Variants in SNTB1 observed in about 807,000 individuals in gnomAD.
SNTB1 encodes the protein syntrophin beta 1.
A neutral mutation model predicts 48.9 loss-of-function variants in SNTB1; 36 were observed. The ratio of observed to expected loss-of-function variants is 0.74; its 90% CI spans 0.56 to 0.97. The LOEUF is 0.97. Among genes scored for constraint, SNTB1 ranks in the 50% least tolerant of loss-of-function variants. The pLI is 0.00. For synonymous variants in SNTB1, 299 were observed against 294.6 expected (o/e 1.01, Z -0.15); for missense variants, 786 against 703.4 (o/e 1.12, Z -1.33).
chr8:120,608,264 G>A (rs970323642), intron 3 of SNTB1, among the ~76,000 whole-genome samples: 2 of 152,112 alleles, frequency 1.3e-5, no homozygotes, highest in African/African-American at 4.8e-5. Flanking sequence ...CATCATATAG[G>A]ATTATTAGAA....
chr8:120,672,552 C>G (rs73708606), intron 2 of SNTB1, among the ~76,000 whole-genome samples: 6,673 of 152,160 alleles, frequency 0.044, 441 homozygotes, highest in African/African-American at 0.14. Context: ...CACAGAGCTC[C>G]TGAAAGACAC....
intron 1 of SNTB1, among the ~76,000 whole-genome samples, chr8:120,696,020 T>C (rs1164208977): frequency 1.3e-5 from 2 of 152,078 alleles, no homozygotes; most frequent in Non-Finnish European, 1.5e-5. Context: ...GGGGGACATA[T>C]TGAAGCTGTC....
intron 1 of SNTB1, among the ~76,000 whole-genome samples, chr8:120,716,517 A>G: frequency 6.6e-6 from 1 of 152,176 alleles, no homozygotes; most frequent in East Asian, 1.9e-4. Flanking sequence ...GCAAATACAC[A>G]TCCTCCCTCA....
At chr8:120,566,896 G>T (rs1563819154) in intron 4 of SNTB1, among the ~76,000 whole-genome samples, 1 of 152,164 alleles carries the variant, frequency 6.6e-6, no homozygotes, top group Non-Finnish European at 1.5e-5. Flanking sequence ...GGAATAAGAG[G>T]CCACCTGTTG....
intron 2 of SNTB1, among the ~76,000 whole-genome samples, chr8:120,644,408 C>T (rs1039449284): frequency 2.3e-4 from 34 of 146,736 alleles, no homozygotes; most frequent in Non-Finnish European, 4.5e-4. Context: ...TGAGAATATG[C>T]GATGTTTGGT....
chr8:120,787,355 T>C (rs914624612), intron 1 of SNTB1, among the ~76,000 whole-genome samples: 3 of 152,144 alleles, frequency 2.0e-5, no homozygotes, highest in African/African-American at 7.2e-5. Context: ...ATACTAACTC[T>C]ACAGCAGTGG....
chr8:120,760,996 C>G (rs966382297), intron 1 of SNTB1, among the ~76,000 whole-genome samples: 1 of 152,060 alleles, frequency 6.6e-6, no homozygotes, highest in Admixed American at 6.5e-5. Flanking sequence ...CTATAAAGAA[C>G]ACACGCAAAA....
At chr8:120,682,889 T>TG (rs1430032743) in intron 2 of SNTB1, among the ~76,000 whole-genome samples, 2 of 149,686 alleles carry the variant, frequency 1.3e-5, no homozygotes, top group African/African-American at 4.9e-5. Context: ...AGTTTTTTTT[T>TG]TTTTTTTTTT....
chr8:120,752,641 T>C (rs1819240332), intron 1 of SNTB1, among the ~76,000 whole-genome samples: 1 of 152,196 alleles, frequency 6.6e-6, no homozygotes, highest in Admixed American at 6.6e-5. Flanking sequence ...AATGAAATCA[T>C]GTTCTTTGTA....
At chr8:120,640,612 C>A (rs1817175881) in intron 2 of SNTB1, among the ~76,000 whole-genome samples, 2 of 152,120 alleles carry the variant, frequency 1.3e-5, no homozygotes, top group South Asian at 4.2e-4. Context: ...TTGCCAAAGG[C>A]CTTTTCTGCA....
chr8:120,542,843 C>T lies in SNTB1; in HGVS notation c.1334-843G>A, dbSNP rs1815314336. Among the ~76,000 whole-genome samples, 3 of 152,014 alleles carry T rather than the reference C, an allele frequency of 2.0e-5. No homozygotes were observed. In the South Asian group the frequency reaches 6.2e-4, roughly 32 times the overall value. On this transcript the variant is annotated intron_variant, in intron 5 of 6. Coordinates refer to ENST00000517992, the MANE Select transcript of SNTB1 (RefSeq NM_021021.4). ...CAGGAATGAGTAGTTTAAAAATAGT[C>T]TATTTTTTAATAGTATAAAAAATCT...
intron 1 of SNTB1, among the ~76,000 whole-genome samples, chr8:120,724,822 G>C (rs529138324): frequency 6.6e-6 from 1 of 152,302 alleles, no homozygotes; most frequent in African/African-American, 2.4e-5. Context: ...AGCTGACTTA[G>C]AGGGGCCATG....
chr8:120,665,704 A>G (rs1817663575), intron 2 of SNTB1, among the ~76,000 whole-genome samples: 1 of 152,178 alleles, frequency 6.6e-6, no homozygotes, highest in Admixed American at 6.6e-5. Context: ...TGTATGCTTT[A>G]CTTTGAGGTT....
At chr8:120,682,230 T>G (rs182764833) in intron 2 of SNTB1, among the ~76,000 whole-genome samples, 2 of 152,314 alleles carry the variant, frequency 1.3e-5, no homozygotes, top group South Asian at 2.1e-4. Flanking sequence ...ATAAGATTAA[T>G]AAATTCCCAT....
chr8:120,627,483 C>T lies in SNTB1; in HGVS notation c.996+4961G>A, dbSNP rs540321064. 2.0e-5 allele frequency among the ~76,000 whole-genome samples: 3 copies of T among 152,134 alleles called. No homozygotes were observed. In the South Asian group the frequency reaches 6.2e-4, roughly 32 times the overall value. ...ACTCTGTGGAAGATAAAAGAAGGAA[C>T]CTAACCAGAGAGGTTCAGCTGATTG... On this transcript the variant is annotated intron_variant, in intron 3 of 6. Coordinates refer to ENST00000517992, the MANE Select transcript of SNTB1 (RefSeq NM_021021.4).
At chr8:120,552,759 A>C (rs972090285) in intron 4 of SNTB1, among the ~76,000 whole-genome samples, 4 of 152,124 alleles carry the variant, frequency 2.6e-5, no homozygotes, top group African/African-American at 7.2e-5. Context: ...GGGATGATTC[A>C]AGCGCATTAC....
chr8:120,744,121 A>ATTTTTTTTTTTTTTTTTT lies in SNTB1; in HGVS notation c.572-50214_572-50213insAAAAAAAAAAAAAAAAAA, dbSNP rs35604534. Among the ~76,000 whole-genome samples the ATTTTTTTTTTTTTTTTTT allele has an allele frequency of 1.7e-4, 23 of 136,148 alleles. 1 individual carries two copies. In the East Asian group the frequency reaches 2.1e-3, roughly 12 times the overall value. The allele number at this position is 136,148 out of a possible 152,430, so 89.3% of individuals were successfully genotyped here. A position where few individuals can be genotyped will look rare whatever the true frequency, so the allele number is the denominator to read the frequency against. ...CTCAAGCCTGGGTGACCCTGTCTCA[A>ATTTTTTTTTTTTTTTTTT]TTTTTTTTTTTTTTTGCAAGGGAAT... On this transcript the variant is annotated intron_variant, in intron 1 of 6. Transcript: ENST00000517992.
Position 120,577,545 on chromosome 8 carries a change from T to C in SNTB1, c.997-2320A>G, listed in dbSNP as rs150462285. Among the ~76,000 whole-genome samples the C allele has an allele frequency of 5.1e-4, 78 of 152,282 alleles. No individual in the cohort carries two copies. In the East Asian group the frequency reaches 0.014, roughly 28 times the overall value. On this transcript the variant is annotated intron_variant, in intron 3 of 6. Transcript: ENST00000517992. ...TTTTTTCCAACTTCTACATTAAATTTAGTAAATTACTTTTCCAGCTCATTA... is the reference window on the plus strand; with the variant it reads ...TTTTTTCCAACTTCTACATTAAATTCAGTAAATTACTTTTCCAGCTCATTA...
At chr8:120,690,476 A>T (rs577753809) in intron 2 of SNTB1, among the ~76,000 whole-genome samples, 41 of 152,162 alleles carry the variant, frequency 2.7e-4, no homozygotes, top group Non-Finnish European at 5.1e-4. Flanking sequence ...TGTGGTATGT[A>T]TTCATAACTA....
Sources: allele counts gnomAD v4.1 joint callset (sites outside exome capture counted in the v4.1 genomes callset), GRCh38; gene constraint gnomAD v4.1.1; transcripts MANE v1.5; gene names NCBI Gene and HGNC (gene_info 2026-07-23, HGNC 2026-07-21).